The following ADD1 variants were observed in gnomAD, a reference collection of about 807,000 sequenced individuals.
ADD1 encodes adducin 1, also known as alpha-adducin.
Under a neutral mutation model 80.5 loss-of-function variants are expected in ADD1, and 24 were observed. The ratio of observed to expected loss-of-function variants is 0.30; its 90% confidence interval spans 0.22 to 0.42. The LOEUF (loss-of-function observed/expected upper bound fraction) is 0.42. ADD1 is among the 10% of genes least tolerant of loss of function. ADD1 has a pLI of 1.00. For missense variants in ADD1, 948 were observed against 1,019.0 expected, an observed-to-expected ratio of 0.93 and a Z score of 0.95; for synonymous variants, 373 against 393.8, an observed-to-expected ratio of 0.95 and a Z score of 0.63.
At chr4:2,927,091 G>A (rs979326382) in intron 15 of ADD1, among the ~76,000 whole-genome samples, 3 of 152,220 alleles carry the variant, frequency 2.0e-5, no homozygotes, top group Non-Finnish European at 4.4e-5. Flanking sequence ...AAAGGAGGTG[G>A]GCAGAGGAGC....
intron 1 of ADD1, among the ~76,000 whole-genome samples, chr4:2,866,656 C>T (rs1020179868): frequency 9.9e-5 from 15 of 152,176 alleles, no homozygotes; most frequent in Middle Eastern, 6.3e-3. Context: ...CCCCAGTATG[C>T]CTGCTAGCTC....
chr4:2,863,479 G>A (rs529935796), intron 1 of ADD1, among the ~76,000 whole-genome samples: 1 of 152,244 alleles, frequency 6.6e-6, no homozygotes, highest in South Asian at 2.1e-4. Context: ...GAGACCAAGT[G>A]TTATGACAGG....
Position 2,905,344 on chromosome 4 carries a change from C to T in ADD1, c.1506+236C>T, listed in dbSNP as rs1423756394. The T allele has an allele frequency of 1.1e-5, 6 of 557,412 alleles. No homozygotes were observed. The African/African-American group carries it at 1.1e-4, about 10-fold the overall frequency. 34.5% of individuals were successfully genotyped at this position (557,412 alleles called of 1,614,324 possible). The stretch of plus-strand genomic sequence containing the variant: ...ACTCCGCAGTAGTTCCAGTATATCT[C>T]CGTATATAGCAAAAATATACAATAA... On this transcript the variant is annotated intron_variant, in intron 10 of 15. Coordinates refer to ENST00000683351, the MANE Select transcript of ADD1 (RefSeq NM_001354761.2).
chr4:2,915,589 C>T (rs369497858), intron 14 of ADD1, among the ~76,000 whole-genome samples: 11 of 152,098 alleles, frequency 7.2e-5, no homozygotes, highest in East Asian at 1.9e-4. Flanking sequence ...TTCAGTGAGC[C>T]GAGATTGCAC....
intron 3 of ADD1, 33 bp from the exon 4 acceptor site, chr4:2,884,482 C>T (rs1284522197): frequency 6.4e-7 from 1 of 1,570,878 alleles, no homozygotes; most frequent in African/African-American, 1.4e-5. Context: ...TATACCACTG[C>T]ACCTGGCTGA....
intron 3 of ADD1, among the ~76,000 whole-genome samples, chr4:2,882,285 C>T (rs1209898828): frequency 5.9e-5 from 9 of 152,130 alleles, no homozygotes; most frequent in African/African-American, 1.4e-4. Flanking sequence ...ACTTTATTTC[C>T]GAGGCAGATG....
chr4:2,925,484 A>AT (rs1370202602), intron 14 of ADD1, among the ~76,000 whole-genome samples: 2 of 152,190 alleles, frequency 1.3e-5, no homozygotes, highest in African/African-American at 2.4e-5. Flanking sequence ...TAGTTCCTGC[A>AT]TTTTTTCCTC....
Position 2,928,553 on chromosome 4 carries a change from A to G in ADD1, c.*30A>G. 6.3e-7 allele frequency: 1 copy of G among 1,591,906 alleles called. No homozygotes were observed. Among genetic ancestry groups the G allele is most frequent in the Non-Finnish European group, 8.5e-7 (1 of 1,172,296 alleles). On this transcript the variant is annotated 3_prime_UTR_variant, in exon 16 of 16. Transcript: ENST00000683351. ...CCTGCGCTAACACTGTCCTGTCCGG[A>G]GCGACCCTGGCTCTGCCAGCGTCCC... is the stretch of plus-strand genomic sequence containing the variant.
chr4:2,885,480 A>G (rs890442310), intron 4 of ADD1, among the ~76,000 whole-genome samples: 7 of 152,148 alleles, frequency 4.6e-5, no homozygotes, highest in African/African-American at 1.7e-4. Flanking sequence ...TGACCTCATC[A>G]TGTCACAGAA....
intron 2 of ADD1, among the ~76,000 whole-genome samples, chr4:2,880,341 A>G (rs1212280115): frequency 1.3e-5 from 2 of 152,058 alleles, no homozygotes; most frequent in African/African-American, 2.4e-5. Context: ...ATCTCCTGCA[A>G]TATGTTTTCA....
chr4:2,890,943 T>C (rs931968118), intron 4 of ADD1, among the ~76,000 whole-genome samples: 6 of 152,170 alleles, frequency 3.9e-5, no homozygotes, highest in African/African-American at 1.4e-4. Flanking sequence ...TTGTTTTGAC[T>C]GAGCTTAGCA....
Position 2,853,890 on chromosome 4 carries a change from G to A in ADD1, c.-21+9866G>A, listed in dbSNP as rs1281969840. ...AAGTGCTGGGATTAAAGGCGTGAGC[G>A]ACCGCGTCTGGCCGTTATTATGTTT... On this transcript the variant is annotated intron_variant, in intron 1 of 15. Transcript: ENST00000683351. Among the ~76,000 whole-genome samples the A allele has an allele frequency of 7.2e-5, 11 of 152,250 alleles. No homozygotes were observed. The South Asian group carries it at 1.0e-3, about 14-fold the overall frequency.
At chr4:2,883,966 C>T (rs560293195) in intron 3 of ADD1, among the ~76,000 whole-genome samples, 104 of 152,322 alleles carry the variant, frequency 6.8e-4, no homozygotes, top group African/African-American at 2.4e-3. Context: ...CCACCGCGCC[C>T]AGCCCATATT....
chr4:2,871,232 A>G (rs568677014), intron 1 of ADD1, among the ~76,000 whole-genome samples: 3 of 152,106 alleles, frequency 2.0e-5, no homozygotes, highest in South Asian at 2.1e-4. Flanking sequence ...CGGCCTCCCA[A>G]AGTGCTGTGA....
intron 10 of ADD1, among the ~76,000 whole-genome samples, chr4:2,906,816 C>T (rs773697316): frequency 2.0e-5 from 3 of 152,210 alleles, no homozygotes; most frequent in South Asian, 4.1e-4. Flanking sequence ...ACACTCTCCT[C>T]GCAGTGGCTC....
At chr4:2,877,160 G>A (rs938069042) in intron 2 of ADD1, among the ~76,000 whole-genome samples, 1 of 152,154 alleles carries the variant, frequency 6.6e-6, no homozygotes, top group African/African-American at 2.4e-5. Flanking sequence ...TCAGGTCGTT[G>A]TATCTGCGTA....
chr4:2,914,007 C>T (rs994332166), intron 13 of ADD1, among the ~76,000 whole-genome samples: 3 of 148,744 alleles, frequency 2.0e-5, no homozygotes, highest in South Asian at 2.1e-4. Context: ...TGCAGCGAGC[C>T]GAGATTGCGC....
chr4:2,868,360 C>G (rs1251526000), intron 1 of ADD1, among the ~76,000 whole-genome samples: 1 of 152,178 alleles, frequency 6.6e-6, no homozygotes, highest in African/African-American at 2.4e-5. Context: ...GTCCATGTCT[C>G]TTGGTGCTGG....
In ADD1 at chr4:2,899,300, C is replaced by T. The variant is rs774462791; in HGVS notation, c.1026C>T (p.Val342=). ...GTGCAGGAGGACCAGACAACTTAGTCCTGCTGAATCCTGAGAAGTACAAAG... is the reference window on the plus strand; with the variant it reads ...GTGCAGGAGGACCAGACAACTTAGTTCTGCTGAATCCTGAGAAGTACAAAG... ...LASAGGPDNL[V]LLNPEKYKAK... Residue 342 remains valine, a synonymous_variant, in exon 9 of 16, where the codon GTC becomes GTT. Coordinates refer to ENST00000683351, the MANE Select transcript of ADD1 (RefSeq NM_001354761.2). The T allele has an allele frequency of 6.2e-7, 1 of 1,614,140 alleles. No individual in the cohort carries two copies. Among genetic ancestry groups the T allele is most frequent in the South Asian group, 1.1e-5 (1 of 91,074 alleles).
Sources: gnomAD v4.1 joint callset for allele counts (sites outside exome capture counted in the v4.1 genomes callset) on GRCh38, gnomAD v4.1.1 for gene constraint, MANE v1.5 for transcripts, NCBI Gene and HGNC (gene_info 2026-07-23, HGNC 2026-07-21) for gene names.